The following CDC73 variants were observed in gnomAD, a reference collection of about 807,000 sequenced individuals.
CDC73 encodes the protein cell division cycle 73.
A neutral mutation model predicts 83.7 loss-of-function variants in CDC73; 21 were observed. The observed-to-expected ratio is 0.25, with a 90% CI of 0.18 to 0.36. The LOEUF is 0.36. Among genes scored for constraint, CDC73 ranks in the 10% least tolerant of loss-of-function variants. The pLI is 1.00. For missense variants in CDC73, 342 were observed against 653.3 expected (o/e 0.52, Z 5.19); for synonymous variants, 224 against 212.9 (o/e 1.05, Z -0.45).
chr1:193,173,484 G>A (rs1201532636), intron 10 of CDC73, among the ~76,000 whole-genome samples: 1 of 152,038 alleles, frequency 6.6e-6, no homozygotes, highest in Non-Finnish European at 1.5e-5. Flanking sequence ...CAGTGCCATT[G>A]TATACAACAA....
At chr1:193,176,610 A>G (rs1414480324) in intron 10 of CDC73, among the ~76,000 whole-genome samples, 1 of 152,242 alleles carries the variant, frequency 6.6e-6, no homozygotes, top group Non-Finnish European at 1.5e-5. Context: ...TAATGTCTAA[A>G]TGATACATTG....
intron 10 of CDC73, among the ~76,000 whole-genome samples, chr1:193,192,350 C>A (rs551287924): frequency 6.6e-6 from 1 of 152,044 alleles, no homozygotes; most frequent in Non-Finnish European, 1.5e-5. Context: ...GGCTGAGGCA[C>A]GAGAATCACT....
rs563555275 is a variant in CDC73 at position 193,208,311 on chromosome 1, G to T, written c.1031-3754G>T. ...TGGGTCTCAGTGTGGTCGGTTGCCT[G>T]GTGTCAACCTTTTTATTTCCGGTGG... On this transcript the variant is annotated intron_variant, in intron 11 of 16. Coordinates refer to ENST00000367435, the MANE Select transcript of CDC73 (RefSeq NM_024529.5). 5.9e-5 allele frequency among the ~76,000 whole-genome samples: 9 copies of T among 152,118 alleles called. No homozygotes were observed. In the East Asian group the frequency reaches 1.7e-3, roughly 29 times the overall value.
intron 3 of CDC73, 137 bp from the exon 4 acceptor site, chr1:193,135,254 G>A: frequency 1.4e-6 from 1 of 711,500 alleles, no homozygotes; most frequent in Admixed American, 2.3e-5. Flanking sequence ...TTGCAGAGCT[G>A]CTTTAAAACT....
intron 13 of CDC73, among the ~76,000 whole-genome samples, chr1:193,224,492 A>G (rs1014898061): frequency 6.1e-5 from 9 of 147,808 alleles, no homozygotes; most frequent in African/African-American, 2.3e-4. Context: ...ACATATACAC[A>G]TATATGAAAT....
chr1:193,159,694 T>C (rs1446350974), intron 10 of CDC73, among the ~76,000 whole-genome samples: 1 of 152,168 alleles, frequency 6.6e-6, no homozygotes, highest in African/African-American at 2.4e-5. Flanking sequence ...CAGTATGGAA[T>C]TAATTGTAGT....
At chr1:193,243,879 ATT>A (rs1677904820) in intron 15 of CDC73, among the ~76,000 whole-genome samples, 1 of 152,202 alleles carries the variant, frequency 6.6e-6, no homozygotes, top group Admixed American at 6.5e-5. Flanking sequence ...TTAAATGTTT[ATT>A]AAGAATTGAA....
intron 7 of CDC73, among the ~76,000 whole-genome samples, chr1:193,145,017 TAA>T (rs1237769503): frequency 6.6e-6 from 1 of 152,226 alleles, no homozygotes; most frequent in Non-Finnish European, 1.5e-5. Context: ...TTCTAATTCT[TAA>T]AGTCTTCTAG....
chr1:193,182,698 A>G (rs1481162991), intron 10 of CDC73, among the ~76,000 whole-genome samples: 1 of 152,108 alleles, frequency 6.6e-6, no homozygotes, highest in Non-Finnish European at 1.5e-5. Context: ...AGAACTGGTT[A>G]TGTTATCTTG....
At chr1:193,134,079 G>C (rs1675743617) in intron 3 of CDC73, among the ~76,000 whole-genome samples, 1 of 151,942 alleles carries the variant, frequency 6.6e-6, no homozygotes, top group Admixed American at 6.6e-5. Context: ...ATTTAACATA[G>C]AAATCCTGTG....
chr1:193,176,366 A>G (rs1393763769), intron 10 of CDC73, among the ~76,000 whole-genome samples: 1 of 152,206 alleles, frequency 6.6e-6, no homozygotes, highest in Non-Finnish European at 1.5e-5. Context: ...TTGGTCATGG[A>G]TACTGATTAT....
At chr1:193,202,613 CTTTTT>C (rs35435159) in intron 10 of CDC73, among the ~76,000 whole-genome samples, 2 of 126,448 alleles carry the variant, frequency 1.6e-5, no homozygotes, top group African/African-American at 5.9e-5. Context: ...CCTCAGGTGT[CTTTTT>C]TTTTTTTTTT....
chr1:193,130,388 T>G, intron 3 of CDC73, 145 bp downstream of exon 3: 2 of 695,780 alleles, frequency 2.9e-6, no homozygotes, highest in Non-Finnish European at 5.2e-6. Context: ...CACCTTTTTC[T>G]TATACAGTGG....
chr1:193,187,019 C>G (rs572130789), intron 10 of CDC73, among the ~76,000 whole-genome samples: 230 of 136,588 alleles, frequency 1.7e-3, no homozygotes, highest in African/African-American at 6.0e-3. Flanking sequence ...TTTTTCTCTG[C>G]TTTCAAATTG....
chr1:193,215,592 GTT>G (rs780470013), intron 13 of CDC73, among the ~76,000 whole-genome samples: 10 of 141,356 alleles, frequency 7.1e-5, no homozygotes, highest in Non-Finnish European at 7.8e-5. Context: ...ATTAACACAG[GTT>G]TTTTTTTTTT....
intron 13 of CDC73, among the ~76,000 whole-genome samples, chr1:193,222,342 T>C (rs900250948): frequency 3.3e-5 from 5 of 152,144 alleles, no homozygotes; most frequent in Non-Finnish European, 5.9e-5. Flanking sequence ...GAAAACTACA[T>C]GAGGCCTGGG....
At chr1:193,227,159 A>G (rs1023480012) in intron 13 of CDC73, among the ~76,000 whole-genome samples, 1 of 152,082 alleles carries the variant, frequency 6.6e-6, no homozygotes, top group African/African-American at 2.4e-5. Context: ...TGTCAGGTGT[A>G]ATAGCTCCCA....
intron 15 of CDC73, among the ~76,000 whole-genome samples, chr1:193,247,027 G>A (rs1677965800): frequency 6.6e-6 from 1 of 152,114 alleles, no homozygotes; most frequent in Non-Finnish European, 1.5e-5. Context: ...CAGTGCCTTT[G>A]CAAGGTTTTT....
intron 2 of CDC73, among the ~76,000 whole-genome samples, chr1:193,129,282 C>T (rs1261186738): frequency 6.6e-6 from 1 of 151,798 alleles, no homozygotes; most frequent in African/African-American, 2.4e-5. Context: ...AGGTGTGAGC[C>T]ACTGCGCCCT....
Sources: allele counts gnomAD v4.1 joint callset (sites outside exome capture counted in the v4.1 genomes callset), GRCh38; gene constraint gnomAD v4.1.1; transcripts MANE v1.5; gene names NCBI Gene and HGNC (gene_info 2026-07-23, HGNC 2026-07-21).